OR14I1: variants seen among roughly 807,000 people sequenced by gnomAD.
OR14I1 encodes olfactory receptor family 14 subfamily I member 1, also known as olfactory receptor 14I1.
For missense variants in OR14I1, 279 were observed against 181.8 expected, an observed-to-expected ratio of 1.53 and a Z score of -3.07; for synonymous variants, 118 against 71.1, an observed-to-expected ratio of 1.66 and a Z score of -3.32.
At chr1:248,691,542 G>A in the OR14I1 span, among the ~76,000 whole-genome samples, 8 of 152,356 alleles carry the variant, frequency 5.3e-5, no homozygotes, top group East Asian at 1.3e-3. Context: ...GAGAACCAAA[G>A]AATCGGAAAA....
the OR14I1 span, among the ~76,000 whole-genome samples, chr1:248,692,986 C>T: frequency 6.6e-6 from 1 of 152,174 alleles, no homozygotes; most frequent in Admixed American, 6.5e-5. Flanking sequence ...CATGAGCCCT[C>T]ATCCAAGTAG....
downstream of OR14I1, among the ~76,000 whole-genome samples, chr1:248,680,505 T>C (rs1661539688): frequency 6.6e-6 from 1 of 152,194 alleles, no homozygotes; most frequent in South Asian, 2.1e-4. Context: ...ATAGCCAGTG[T>C]ACATTTCACG....
At chr1:248,701,959 T>TA in the OR14I1 span, among the ~76,000 whole-genome samples, 1 of 152,160 alleles carries the variant, frequency 6.6e-6, no homozygotes, top group African/African-American at 2.4e-5. Flanking sequence ...TCAGGAAACT[T>TA]ACAATCACGG....
the OR14I1 span, among the ~76,000 whole-genome samples, chr1:248,688,366 G>A: frequency 2.2e-4 from 34 of 152,188 alleles, no homozygotes; most frequent in Non-Finnish European, 2.9e-5. Flanking sequence ...CTTACAAATG[G>A]AGATTCCCTT....
the OR14I1 span, among the ~76,000 whole-genome samples, chr1:248,687,519 A>C: frequency 6.6e-6 from 1 of 152,224 alleles, no homozygotes; most frequent in Admixed American, 6.5e-5. Context: ...ATTAGAAGTG[A>C]ATAGAAAAAT....
chr1:248,695,006 A>G, the OR14I1 span, among the ~76,000 whole-genome samples: 2 of 152,154 alleles, frequency 1.3e-5, no homozygotes, highest in African/African-American at 2.4e-5. Flanking sequence ...TTTTATTTTA[A>G]TTAATTTTAA....
the OR14I1 span, among the ~76,000 whole-genome samples, chr1:248,699,752 T>TTTTGTTTGTTTG: frequency 1.3e-5 from 2 of 151,406 alleles, no homozygotes; most frequent in Admixed American, 6.6e-5. Flanking sequence ...CTACTTTTTG[T>TTTTGTTTGTTTG]TTTGTTTGTT....
upstream of OR14I1, among the ~76,000 whole-genome samples, chr1:248,687,007 G>A (rs530041722): frequency 6.6e-6 from 1 of 152,300 alleles, no homozygotes; most frequent in Admixed American, 6.5e-5. Flanking sequence ...AAGGAAGCCT[G>A]GGGGACGCTG....
At chr1:248,694,377 C>G in the OR14I1 span, among the ~76,000 whole-genome samples, 2 of 152,082 alleles carry the variant, frequency 1.3e-5, no homozygotes, top group South Asian at 4.2e-4. Flanking sequence ...ATGCCTATGA[C>G]GTATATTATC....
the OR14I1 span, among the ~76,000 whole-genome samples, chr1:248,691,327 G>A: frequency 2.0e-5 from 3 of 152,200 alleles, no homozygotes; most frequent in African/African-American, 4.8e-5. Flanking sequence ...CTTTCAAAGT[G>A]TTCAGTCTCA....
chr1:248,684,958 C>T (rs1461173063), upstream of OR14I1, among the ~76,000 whole-genome samples: 3 of 151,894 alleles, frequency 2.0e-5, no homozygotes, highest in African/African-American at 7.3e-5. Context: ...AGCCTAAGTG[C>T]TCGTTCTTAA....
chr1:248,700,321 C>A, the OR14I1 span, among the ~76,000 whole-genome samples: 1 of 152,140 alleles, frequency 6.6e-6, no homozygotes, highest in Admixed American at 6.5e-5. Context: ...TAAAGCCAAC[C>A]AACTATAGCG....
chr1:248,695,525 G>T, the OR14I1 span, among the ~76,000 whole-genome samples: 4 of 152,086 alleles, frequency 2.6e-5, no homozygotes, highest in Non-Finnish European at 5.9e-5. Flanking sequence ...GAGCCACTGC[G>T]CCCGGCCGAA....
At chr1:248,681,636 C>A (rs1372148281) in exon 1 of OR14I1, 2 of 780,902 alleles carry the variant, frequency 2.6e-6, no homozygotes, top group African/African-American at 1.7e-5. Context: ...GGATTCTGAG[C>A]ACCGTTGAGA....
chr1:248,693,977 C>A, the OR14I1 span, among the ~76,000 whole-genome samples: 2 of 151,834 alleles, frequency 1.3e-5, no homozygotes, highest in African/African-American at 2.4e-5. Flanking sequence ...GGCAGGAAGA[C>A]CTATCAGTCT....
chr1:248,702,325 G>A, the OR14I1 span, among the ~76,000 whole-genome samples: 1 of 152,046 alleles, frequency 6.6e-6, no homozygotes, highest in Non-Finnish European at 1.5e-5. Context: ...AGGGGTACAG[G>A]CATTAGCTAA....
At chr1:248,686,070 T>C (rs1055847929), upstream of OR14I1, among the ~76,000 whole-genome samples, 1 of 152,152 alleles carries the variant, frequency 6.6e-6, no homozygotes, top group South Asian at 2.1e-4. Flanking sequence ...TGTGCATCAT[T>C]GATAGATATA....
chr1:248,694,018 C>T, the OR14I1 span, among the ~76,000 whole-genome samples: 2 of 152,050 alleles, frequency 1.3e-5, no homozygotes, highest in African/African-American at 4.8e-5. Context: ...TAATTTTCTT[C>T]AAGTTCACAT....
At chr1:248,698,001 G>A in the OR14I1 span, among the ~76,000 whole-genome samples, 35 of 152,274 alleles carry the variant, frequency 2.3e-4, no homozygotes, top group Non-Finnish European at 3.5e-4. Flanking sequence ...AATGATTTAG[G>A]AGTGATAGTG....
Sources: gnomAD v4.1 joint callset for allele counts (sites outside exome capture counted in the v4.1 genomes callset) on GRCh38, gnomAD v4.1.1 for gene constraint, MANE v1.5 for transcripts, NCBI Gene and HGNC (gene_info 2026-07-23, HGNC 2026-07-21) for gene names.